NACC2: variants seen among roughly 807,000 people sequenced by gnomAD.
The protein encoded by NACC2 is NACC family member 2.
A neutral mutation model predicts 25.1 loss-of-function variants in NACC2; 8 were observed. That is an observed-to-expected ratio of 0.32 (90% CI 0.19 to 0.57). NACC2 has a LOEUF of 0.57. NACC2 is among the 20% of genes least tolerant of loss of function. NACC2 has a pLI of 0.89. For synonymous variants in NACC2, 435 were observed against 294.7 expected, an observed-to-expected ratio of 1.48 and a Z score of -4.88; for missense variants, 644 against 650.2, an observed-to-expected ratio of 0.99 and a Z score of 0.10.
At position 136,051,543 on chromosome 9, in the gene NACC2, C is replaced by T. The variant is rs1454257985; in HGVS notation, c.-59-963G>A. On this transcript the variant is annotated intron_variant, in intron 1 of 5. Transcript: ENST00000277554. ...GCGGGGGCGGCCCAGAAGGCGCCAG[C>T]CCAACTCCGCAGGGCCGCACAAAGG... is the stretch of plus-strand genomic sequence containing the variant. Among the ~76,000 whole-genome samples, 9 of 152,244 alleles carry T rather than the reference C, an allele frequency of 5.9e-5. No homozygotes were observed. In the East Asian group the frequency reaches 1.2e-3, roughly 20 times the overall value.
At chr9:136,057,699 G>A (rs893884433) in intron 1 of NACC2, among the ~76,000 whole-genome samples, 5 of 152,186 alleles carry the variant, frequency 3.3e-5, no homozygotes, top group African/African-American at 9.6e-5. Context: ...CGGCTCGGCC[G>A]GGTGGAAGCT....
At chr9:136,062,123 A>G (rs1327545203) in intron 1 of NACC2, among the ~76,000 whole-genome samples, 16 of 69,608 alleles carry the variant, frequency 2.3e-4, no homozygotes, top group African/African-American at 7.0e-4. Context: ...GAGACAGGAC[A>G]GGACAGGACA....
chr9:136,087,266 G>C (rs1434198166), intron 1 of NACC2, among the ~76,000 whole-genome samples: 1 of 152,222 alleles, frequency 6.6e-6, no homozygotes, highest in Admixed American at 6.5e-5. Flanking sequence ...ACTGGGACAG[G>C]AGCACTCTCT....
At chr9:136,062,151 AC>A (rs1841021368) in intron 1 of NACC2, among the ~76,000 whole-genome samples, 3 of 151,690 alleles carry the variant, frequency 2.0e-5, no homozygotes, top group South Asian at 2.1e-4. Flanking sequence ...ACAGGACAGG[AC>A]AGGACAGGAC....
chr9:136,086,984 A>G lies in NACC2; in HGVS notation c.-60+8205T>C, dbSNP rs1830384880. ...TGGAAACAGGGTCTTTACAGATATC[A>G]TTAGTGAAAGGTAAGATGAGATATC... On this transcript the variant is annotated intron_variant, in intron 1 of 5. Coordinates refer to ENST00000277554, the MANE Select transcript of NACC2 (RefSeq NM_144653.5). This position sits in a 1 kb window ranked among gnomAD's most constrained non-coding sequence, Gnocchi z 5.6. Among the ~76,000 whole-genome samples, 1 of 152,240 alleles carries G rather than the reference A, an allele frequency of 6.6e-6. No individual in the cohort carries two copies. Among genetic ancestry groups the G allele is most frequent in the Non-Finnish European group, 1.5e-5 (1 of 68,048 alleles).
At chr9:136,045,113 G>A (rs1294658746) in intron 2 of NACC2, among the ~76,000 whole-genome samples, 7 of 152,222 alleles carry the variant, frequency 4.6e-5, no homozygotes, top group African/African-American at 1.4e-4. Flanking sequence ...ACCCTGAGCA[G>A]TTCCAACTTT....
rs1315294793 is a variant in NACC2, at chr9:136,084,801, G to T, written c.-60+10388C>A. 1.3e-5 allele frequency among the ~76,000 whole-genome samples: 2 copies of T among 152,248 alleles called. 1 individual carries two copies. Among genetic ancestry groups the T allele is most frequent in the Non-Finnish European group, 2.9e-5 (2 of 68,048 alleles). The stretch of plus-strand genomic sequence containing the variant: ...ACTCCCTGCAACCCGGAGGAGCCGT[G>T]GGGAGAGGGTGCGGAGCAAATGAGC... On this transcript the variant is annotated intron_variant, in intron 1 of 5. Coordinates refer to ENST00000277554, the MANE Select transcript of NACC2 (RefSeq NM_144653.5). The surrounding 1 kb of genome is among the most constrained non-coding windows in gnomAD (Gnocchi z 5.1).
At chr9:136,061,334 G>A (rs545259471) in intron 1 of NACC2, among the ~76,000 whole-genome samples, 73 of 152,220 alleles carry the variant, frequency 4.8e-4, no homozygotes, top group African/African-American at 1.5e-3. Context: ...CGGCAGCTCC[G>A]TTTCCCGGGC....
At chr9:136,085,659 A>C (rs1830371960) in intron 1 of NACC2, among the ~76,000 whole-genome samples, 1 of 152,242 alleles carries the variant, frequency 6.6e-6, no homozygotes, top group South Asian at 2.1e-4. Flanking sequence ...CTCTGCCCAC[A>C]CTGGAACAAG....
At chr9:136,012,065 C>T (rs577909605) in intron 5 of NACC2, 41 bp from the exon 6 acceptor site, 35 of 1,465,086 alleles carry the variant, frequency 2.4e-5, no homozygotes, top group Admixed American at 8.8e-5. Context: ...ACCTGCCTGC[C>T]GGGAGGCCCG....
intron 1 of NACC2, among the ~76,000 whole-genome samples, chr9:136,093,318 G>A (rs990658869): frequency 1.3e-4 from 20 of 152,200 alleles, no homozygotes; most frequent in African/African-American, 1.7e-4. Flanking sequence ...AAAACAAAGG[G>A]AGGATTGAAG....
chr9:136,083,092 C>T (rs570741598), intron 1 of NACC2, among the ~76,000 whole-genome samples: 2 of 152,346 alleles, frequency 1.3e-5, no homozygotes, highest in East Asian at 1.9e-4. Flanking sequence ...TTTCTGGCAC[C>T]GCAACAGAAA....
chr9:136,031,162 G>A (rs1162697623), intron 2 of NACC2, among the ~76,000 whole-genome samples: 1 of 152,146 alleles, frequency 6.6e-6, no homozygotes, highest in African/African-American at 2.4e-5. Flanking sequence ...GAATGAAATA[G>A]CACAGCATTA....
At chr9:136,016,471 G>A (rs1840205614) in intron 2 of NACC2, 42 bp from the exon 3 acceptor site, 3 of 1,608,068 alleles carry the variant, frequency 1.9e-6, no homozygotes, top group Admixed American at 1.7e-5. Flanking sequence ...GCATCTGGGG[G>A]GCCGGGCTGC....
intron 2 of NACC2, among the ~76,000 whole-genome samples, chr9:136,034,749 T>C (rs1372643816): frequency 1.6e-4 from 25 of 152,176 alleles, no homozygotes; most frequent in African/African-American, 5.8e-4. Flanking sequence ...GGGAAGCTCT[T>C]TCCTGTAAGA....
intron 2 of NACC2, among the ~76,000 whole-genome samples, chr9:136,044,634 T>C (rs1840692621): frequency 6.6e-6 from 1 of 151,952 alleles, no homozygotes; most frequent in East Asian, 1.9e-4. Context: ...GGCAGCAGAG[T>C]GGGGACGATG....
At position 136,013,923 on chromosome 9, in the gene NACC2, C is replaced by T. The variant is rs1840153943; in HGVS notation, c.1098G>A (p.Leu366=). The stretch of plus-strand genomic sequence containing the variant: ...AGACCTTATGCTTCACCCCTGCACA[C>T]AGGTGGCAGTTCATCAGCTGGCCGC... ...ITRGQLMNCH[L]CAGVKHKVLL... The change falls in exon 4 of 6, where the codon CTG becomes CTA. Residue 366 remains leucine, a synonymous_variant. Coordinates refer to ENST00000277554, the MANE Select transcript of NACC2 (RefSeq NM_144653.5). The surrounding 1 kb of genome is among the most constrained non-coding windows in gnomAD (Gnocchi z 6.6). 6.2e-7 allele frequency: 1 copy of T among 1,612,780 alleles called. No individual in the cohort carries two copies. Among genetic ancestry groups the T allele is most frequent in the Non-Finnish European group, 8.5e-7 (1 of 1,179,980 alleles).
intron 2 of NACC2, among the ~76,000 whole-genome samples, chr9:136,023,649 C>A (rs566236883): frequency 2.6e-5 from 4 of 152,352 alleles, no homozygotes; most frequent in Admixed American, 2.6e-4. Flanking sequence ...GATCTGATGG[C>A]ATCCCTTTCC....
chr9:136,034,533 A>G (rs1564225642), intron 2 of NACC2, among the ~76,000 whole-genome samples: 3 of 152,218 alleles, frequency 2.0e-5, no homozygotes, highest in Non-Finnish European at 4.4e-5. Flanking sequence ...GCAATGAACA[A>G]ATCTAGCACC....
Sources: allele counts gnomAD v4.1 joint callset (sites outside exome capture counted in the v4.1 genomes callset), GRCh38; gene constraint gnomAD v4.1.1; non-coding constraint Gnocchi (gnomAD v3.1); transcripts MANE v1.5; gene names NCBI Gene and HGNC (gene_info 2026-07-23, HGNC 2026-07-21).